Variants in DNAAF11 observed in about 807,000 individuals in gnomAD.
The protein encoded by DNAAF11 is dynein axonemal assembly factor 11.
DNAAF11 carries 45 observed loss-of-function variants against 60.8 expected under a neutral mutation model. The observed-to-expected ratio is 0.74, with a 90% CI of 0.58 to 0.95. The LOEUF (loss-of-function observed/expected upper bound fraction) is 0.95. Among genes scored for constraint, DNAAF11 ranks in the 40% least tolerant of loss-of-function variants. The pLI is 0.00. For synonymous variants in DNAAF11, 191 were observed against 183.5 expected (o/e 1.04, Z -0.33); for missense variants, 546 against 546.2 (o/e 1.00, Z 0.00).
At chr8:132,644,818 T>A (rs963378576) in intron 3 of DNAAF11, among the ~76,000 whole-genome samples, 2 of 152,024 alleles carry the variant, frequency 1.3e-5, no homozygotes, top group Non-Finnish European at 2.9e-5. Flanking sequence ...CTTGAGTAGG[T>A]AAACAAAGCA....
chr8:132,619,311 TG>T (rs774319903), intron 7 of DNAAF11, among the ~76,000 whole-genome samples: 15 of 87,594 alleles, frequency 1.7e-4, no homozygotes, highest in Non-Finnish European at 3.3e-4. Flanking sequence ...GGTGGGGGGA[TG>T]GGGGAGGGAT....
chr8:132,669,158 C>T (rs1824927983), intron 1 of DNAAF11, among the ~76,000 whole-genome samples: 1 of 152,188 alleles, frequency 6.6e-6, no homozygotes, highest in South Asian at 2.1e-4. Context: ...TTCCTACCCA[C>T]CCCAACAATG....
Position 132,574,641 on chromosome 8 carries a change from C to A in DNAAF11, c.1227-2161G>T, listed in dbSNP as rs150593750. On this transcript the variant is annotated intron_variant, in intron 11 of 11. Transcript: ENST00000620350. ...GATTTTGCCTCCTATTCTTTTGCTG[C>A]AATAAATCTTAGCCATGAGTGTGAT... Among the ~76,000 whole-genome samples, 741 of 152,292 alleles carry A rather than the reference C, an allele frequency of 4.9e-3. 12 individuals are homozygous for A. The highest frequency in any genetic ancestry group is 0.017 in the African/African-American group (713 of 41,564).
chr8:132,701,173 A>T, the DNAAF11 span, among the ~76,000 whole-genome samples: 1 of 152,180 alleles, frequency 6.6e-6, no homozygotes. Context: ...TGGCAATTAC[A>T]TTTTAACATG....
At chr8:132,585,277 T>C (rs571095715) in intron 10 of DNAAF11, among the ~76,000 whole-genome samples, 1 of 152,290 alleles carries the variant, frequency 6.6e-6, no homozygotes, top group South Asian at 2.1e-4. Flanking sequence ...TTTTACATGG[T>C]GCAGTTGTAT....
the DNAAF11 span, among the ~76,000 whole-genome samples, chr8:132,692,221 G>T: frequency 6.6e-6 from 1 of 152,054 alleles, no homozygotes; most frequent in South Asian, 2.1e-4. Flanking sequence ...AGAGCCAACA[G>T]GGCTTCCTGA....
chr8:132,614,730 A>G (rs1478009208), intron 8 of DNAAF11, among the ~76,000 whole-genome samples: 1 of 152,164 alleles, frequency 6.6e-6, no homozygotes, highest in Non-Finnish European at 1.5e-5. Flanking sequence ...AAAACAGAGG[A>G]CTATGCCAGC....
chr8:132,637,787 T>C, intron 4 of DNAAF11, 148 bp downstream of exon 4: 1 of 594,756 alleles, frequency 1.7e-6, no homozygotes. Flanking sequence ...ATATTAAAGG[T>C]CTAGCCATTC....
At chr8:132,600,751 TA>T in intron 10 of DNAAF11, among the ~76,000 whole-genome samples, 1 of 152,348 alleles carries the variant, frequency 6.6e-6, no homozygotes, top group South Asian at 2.1e-4. Context: ...ATCCCTTCCT[TA>T]CACCTTAACA....
At chr8:132,648,263 T>G (rs901201329) in intron 3 of DNAAF11, among the ~76,000 whole-genome samples, 11 of 152,152 alleles carry the variant, frequency 7.2e-5, no homozygotes, top group South Asian at 2.1e-4. Flanking sequence ...AAAAACCACA[T>G]GATTATCTCA....
intron 11 of DNAAF11, among the ~76,000 whole-genome samples, chr8:132,579,110 T>C (rs1815058999): frequency 6.6e-6 from 1 of 152,172 alleles, no homozygotes; most frequent in Non-Finnish European, 1.5e-5. Flanking sequence ...ATCTTGAATT[T>C]AGATGAAAGT....
At chr8:132,669,694 G>T (rs936720696) in intron 1 of DNAAF11, among the ~76,000 whole-genome samples, 1 of 152,006 alleles carries the variant, frequency 6.6e-6, no homozygotes, top group South Asian at 2.1e-4. Context: ...TCAGGTTCTG[G>T]ACATAATAGA....
the DNAAF11 span, among the ~76,000 whole-genome samples, chr8:132,692,413 G>T: frequency 6.6e-6 from 1 of 152,192 alleles, no homozygotes; most frequent in Non-Finnish European, 1.5e-5. Flanking sequence ...GAGGAGGTTG[G>T]ATCAGATCAT....
At chr8:132,687,122 C>T in the DNAAF11 span, among the ~76,000 whole-genome samples, 1 of 152,172 alleles carries the variant, frequency 6.6e-6, no homozygotes, top group Non-Finnish European at 1.5e-5. Flanking sequence ...GGAGTCTACT[C>T]CCAGTTGTAG....
the DNAAF11 span, among the ~76,000 whole-genome samples, chr8:132,693,082 C>A: frequency 1.3e-5 from 2 of 152,114 alleles, no homozygotes; most frequent in African/African-American, 4.8e-5. Context: ...CAGGTGGGGA[C>A]GAAGAATGCA....
chr8:132,612,259 A>G (rs1818740533), intron 8 of DNAAF11, among the ~76,000 whole-genome samples: 1 of 152,184 alleles, frequency 6.6e-6, no homozygotes, highest in South Asian at 2.1e-4. Flanking sequence ...TGCCCAGTAC[A>G]TAGCTAGTGT....
chr8:132,661,744 C>T (rs1824164297), intron 1 of DNAAF11, 117 bp from the exon 2 acceptor site: 1 of 1,041,772 alleles, frequency 9.6e-7, no homozygotes, highest in Admixed American at 1.9e-5. Context: ...TGTCAATTTT[C>T]CAGGCCCAAG....
At chr8:132,656,457 A>G (rs1823579780) in intron 3 of DNAAF11, among the ~76,000 whole-genome samples, 1 of 152,116 alleles carries the variant, frequency 6.6e-6, no homozygotes, top group Admixed American at 6.6e-5. Context: ...TTTATACAAG[A>G]CTGTTTAAAT....
intron 11 of DNAAF11, among the ~76,000 whole-genome samples, chr8:132,583,276 A>G (rs542926725): frequency 2.6e-4 from 40 of 152,292 alleles, no homozygotes; most frequent in Admixed American, 6.5e-4. Context: ...TTGTCCCAGC[A>G]TGTCATAGCT....
Sources: gnomAD v4.1 joint callset for allele counts (sites outside exome capture counted in the v4.1 genomes callset) on GRCh38, gnomAD v4.1.1 for gene constraint, MANE v1.5 for transcripts, NCBI Gene and HGNC (gene_info 2026-07-23, HGNC 2026-07-21) for gene names.